The following PDLIM1 variants were observed in gnomAD, a reference collection of about 807,000 sequenced individuals.
The protein encoded by PDLIM1 is PDZ and LIM domain 1.
In PDLIM1, 25 loss-of-function variants were observed where a neutral mutation model predicts 35.2. The observed-to-expected ratio is 0.71, with a 90% CI of 0.52 to 0.99. PDLIM1 has a LOEUF of 0.99. Ranked by LOEUF, PDLIM1 falls within the 50% of genes least tolerant of loss-of-function variation. The pLI is 0.00. For missense variants in PDLIM1, 363 were observed against 415.3 expected (o/e 0.87, Z 1.09); for synonymous variants, 152 against 154.0 (o/e 0.99, Z 0.10).
chr10:95,262,549 A>G (rs981845400), intron 4 of PDLIM1, among the ~76,000 whole-genome samples: 6 of 152,210 alleles, frequency 3.9e-5, no homozygotes, highest in Admixed American at 1.3e-4. Context: ...GGAGCCAAGG[A>G]GCAGCGTCCC....
chr10:95,257,423 T>G (rs2035325907), intron 4 of PDLIM1, among the ~76,000 whole-genome samples: 3 of 151,826 alleles, frequency 2.0e-5, no homozygotes. Flanking sequence ...AACATACGTA[T>G]AATTAATATC....
intron 3 of PDLIM1, among the ~76,000 whole-genome samples, chr10:95,266,490 G>A (rs2035418323): frequency 6.6e-6 from 1 of 152,000 alleles, no homozygotes; most frequent in Non-Finnish European, 1.5e-5. Flanking sequence ...TTTCCGCCTT[G>A]GCTCAATTTT....
chr10:95,289,261 T>G (rs1160009250), intron 1 of PDLIM1, among the ~76,000 whole-genome samples: 1 of 152,222 alleles, frequency 6.6e-6, no homozygotes, highest in Non-Finnish European at 1.5e-5. Flanking sequence ...ATGTCCTCCC[T>G]GGACAAGCAT....
chr10:95,243,258 C>T (rs2035193151), intron 5 of PDLIM1, among the ~76,000 whole-genome samples: 1 of 152,194 alleles, frequency 6.6e-6, no homozygotes, highest in African/African-American at 2.4e-5. Context: ...ATCCAGCCAA[C>T]ACTGCGAATC....
intron 1 of PDLIM1, among the ~76,000 whole-genome samples, chr10:95,272,667 AAATAAT>A (rs1283813185): frequency 6.6e-6 from 1 of 151,898 alleles, no homozygotes; most frequent in Non-Finnish European, 1.5e-5. Context: ...TCGTCTCAAA[AAATAAT>A]AATAATAATA....
chr10:95,259,800 G>C (rs1047637730), intron 4 of PDLIM1, among the ~76,000 whole-genome samples: 1 of 152,186 alleles, frequency 6.6e-6, no homozygotes, highest in East Asian at 1.9e-4. Flanking sequence ...TCTCCCTCAT[G>C]AATGTTTGGG....
At chr10:95,266,815 T>C (rs895482803) in intron 3 of PDLIM1, among the ~76,000 whole-genome samples, 1 of 152,238 alleles carries the variant, frequency 6.6e-6, no homozygotes, top group Non-Finnish European at 1.5e-5. Context: ...GAATACTGAC[T>C]GGTCTTTCCA....
At position 95,272,141 on chromosome 10, in the gene PDLIM1, C is replaced by T. The variant is rs45506293; in HGVS notation, c.97-357G>A. On this transcript the variant is annotated intron_variant, in intron 1 of 6. Coordinates refer to ENST00000329399, the MANE Select transcript of PDLIM1 (RefSeq NM_020992.4). Reference sequence around the variant, plus strand: ...TATTACTGAGCCAGGAAACAAACCCCGAACAGATCTGATGTCCTTCCCACT... The same window carrying T: ...TATTACTGAGCCAGGAAACAAACCCTGAACAGATCTGATGTCCTTCCCACT... Among the ~76,000 whole-genome samples, 356 of 152,152 alleles carry T rather than the reference C, an allele frequency of 2.3e-3. 1 individual carries two copies. The highest frequency in any genetic ancestry group is 7.1e-3 in the African/African-American group (294 of 41,484).
At chr10:95,244,028 G>A (rs2035198867) in intron 5 of PDLIM1, among the ~76,000 whole-genome samples, 1 of 152,098 alleles carries the variant, frequency 6.6e-6, no homozygotes, top group African/African-American at 2.4e-5. Flanking sequence ...ATGGATGGTG[G>A]TGATAGTAGC....
At chr10:95,254,136 C>T (rs2035290988) in intron 4 of PDLIM1, among the ~76,000 whole-genome samples, 1 of 152,140 alleles carries the variant, frequency 6.6e-6, no homozygotes, top group Non-Finnish European at 1.5e-5. Flanking sequence ...TCAATCATCG[C>T]ATTAATGTTC....
chr10:95,248,474 C>G (rs931955902), intron 4 of PDLIM1, among the ~76,000 whole-genome samples: 1 of 152,168 alleles, frequency 6.6e-6, no homozygotes, highest in East Asian at 1.9e-4. Flanking sequence ...TCTCAAAGTC[C>G]CAGCCTCAAG....
chr10:95,249,482 C>G (rs933665326), intron 4 of PDLIM1, among the ~76,000 whole-genome samples: 12 of 152,210 alleles, frequency 7.9e-5, no homozygotes, highest in African/African-American at 2.9e-4. Flanking sequence ...AGGCTGCCTC[C>G]CAGCTTTACA....
chr10:95,256,986 A>AAAAGAAAGAAAAAGAAAG (rs1554832105), intron 4 of PDLIM1, among the ~76,000 whole-genome samples: 1 of 61,668 alleles, frequency 1.6e-5, no homozygotes, highest in East Asian at 3.3e-4. Flanking sequence ...AAAAAAAAAA[A>AAAAGAAAGAAAAAGAAAG]AAAGAAAGAA....
chr10:95,280,443 G>A (rs965694186), intron 1 of PDLIM1, among the ~76,000 whole-genome samples: 2 of 152,146 alleles, frequency 1.3e-5, no homozygotes, highest in Non-Finnish European at 2.9e-5. Context: ...ATGAGTTTGT[G>A]ACCACTGGCT....
At chr10:95,275,486 T>C (rs937228182) in intron 1 of PDLIM1, among the ~76,000 whole-genome samples, 3 of 152,228 alleles carry the variant, frequency 2.0e-5, no homozygotes, top group Admixed American at 2.0e-4. Context: ...ATCTGTATAA[T>C]AAATGATTGG....
chr10:95,238,524 C>T (rs1209853378), intron 6 of PDLIM1, 44 bp downstream of exon 6: 2 of 1,219,708 alleles, frequency 1.6e-6, no homozygotes, highest in African/African-American at 3.0e-5. Flanking sequence ...CATGGTTTAC[C>T]CAACCTGCAG....
chr10:95,277,791 G>A (rs892046502), intron 1 of PDLIM1, among the ~76,000 whole-genome samples: 1 of 152,090 alleles, frequency 6.6e-6, no homozygotes, highest in African/African-American at 2.4e-5. Flanking sequence ...TTGCTTAGAG[G>A]CCAACATGTT....
intron 5 of PDLIM1, among the ~76,000 whole-genome samples, chr10:95,239,219 A>C (rs575674175): frequency 3.3e-5 from 5 of 152,360 alleles, no homozygotes; most frequent in Middle Eastern, 3.4e-3. Flanking sequence ...TAAAGACTTA[A>C]ATGTAAAGCC....
At chr10:95,270,734 A>G (rs1225156840) in intron 2 of PDLIM1, among the ~76,000 whole-genome samples, 1 of 152,078 alleles carries the variant, frequency 6.6e-6, no homozygotes, top group African/African-American at 2.4e-5. Flanking sequence ...AGCACAATGC[A>G]GTAGCAGCAG....
Sources: allele counts gnomAD v4.1 joint callset (sites outside exome capture counted in the v4.1 genomes callset), GRCh38; gene constraint gnomAD v4.1.1; transcripts MANE v1.5; gene names NCBI Gene and HGNC (gene_info 2026-07-23, HGNC 2026-07-21).